SLC25A15: variants seen among roughly 807,000 people sequenced by gnomAD.
SLC25A15 encodes the protein solute carrier family 25 member 15.
SLC25A15 carries 24 observed loss-of-function variants against 32.3 expected under a neutral mutation model. The observed-to-expected ratio is 0.74, with a 90% CI of 0.54 to 1.04. The LOEUF is 1.04. Ranked by LOEUF, SLC25A15 falls within the 50% of genes least tolerant of loss-of-function variation. The pLI, the probability that SLC25A15 is intolerant of heterozygous loss-of-function variation, is 0.00. For missense variants in SLC25A15, 317 were observed against 374.5 expected (o/e 0.85, Z 1.27); for synonymous variants, 132 against 142.1 (o/e 0.93, Z 0.51).
Position 40,809,888 on chromosome 13 carries a change from T to C in SLC25A15, c.*221T>C. 5 of 550,536 alleles carry C rather than the reference T, an allele frequency of 9.1e-6. No homozygotes were observed. The highest frequency in any genetic ancestry group is 1.6e-5 in the Non-Finnish European group (5 of 307,760). 34.1% of individuals were successfully genotyped at this position (550,536 alleles called of 1,614,324 possible). ...TACTGAAATAGAAAAGTGACCGCTC[T>C]TGCTCTTGGTAAAATATAGAGTGGT... On this transcript the variant is annotated 3_prime_UTR_variant, in exon 7 of 7. Coordinates refer to ENST00000338625, the MANE Select transcript of SLC25A15 (RefSeq NM_014252.4).
intron 1 of SLC25A15, among the ~76,000 whole-genome samples, chr13:40,791,066 C>G (rs1437951258): frequency 3.9e-5 from 6 of 151,918 alleles, no homozygotes; most frequent in Non-Finnish European, 1.5e-5. Flanking sequence ...CTCTGTCTGT[C>G]TGCTCAGTTG....
In SLC25A15 at chr13:40,791,730, C is replaced by T. The variant is rs145782772; in HGVS notation, c.-69-1428C>T. Among the ~76,000 whole-genome samples the T allele has an allele frequency of 4.9e-3, 749 of 152,272 alleles. 3 individuals carry two copies. Among genetic ancestry groups the T allele is most frequent in the Middle Eastern group, 0.034 (10 of 294 alleles). On this transcript the variant is annotated intron_variant, in intron 1 of 6. Transcript: ENST00000338625. ...TTCAGCCTAGTGAATGGTCCTGTCTCTCCAGACCTATCAACAGCATATAAA... is the reference window on the plus strand; with the variant it reads ...TTCAGCCTAGTGAATGGTCCTGTCTTTCCAGACCTATCAACAGCATATAAA...
rs1421689029 is a variant in SLC25A15 at position 40,810,731 on chromosome 13, C to T, written c.*1064C>T. On this transcript the variant is annotated 3_prime_UTR_variant, in exon 7 of 7. Transcript: ENST00000338625. ...GAAATAGCATGGCCTTTACCAGCTT[C>T]CCTTCTCTCCCAAAGAACTTCCCTT... 1.9e-6 allele frequency: 1 copy of T among 534,494 alleles called. No homozygotes were observed. Among genetic ancestry groups the T allele is most frequent in the East Asian group, 5.4e-5 (1 of 18,360 alleles). The allele number at this position is 534,494 out of a possible 1,614,324, so 33.1% of individuals were successfully genotyped here. A position where few individuals can be genotyped will look rare whatever the true frequency, so the allele number is the denominator to read the frequency against.
At chr13:40,803,578 A>G (rs138632950) in intron 3 of SLC25A15, among the ~76,000 whole-genome samples, 89 of 152,330 alleles carry the variant, frequency 5.8e-4, no homozygotes, top group South Asian at 5.2e-3. Flanking sequence ...ACATGAGGTG[A>G]ATGCTTCTGT....
intron 3 of SLC25A15, among the ~76,000 whole-genome samples, chr13:40,803,481 G>A (rs916720698): frequency 3.3e-5 from 5 of 152,302 alleles, no homozygotes; most frequent in Admixed American, 1.3e-4. Flanking sequence ...GAGCCACCAC[G>A]CCTGGCCTCC....
Position 40,809,733 on chromosome 13 carries a change from G to C in SLC25A15, c.*66G>C. The C allele has an allele frequency of 6.4e-7, 1 of 1,560,096 alleles. No individual in the cohort carries two copies. The highest frequency in any genetic ancestry group is 8.8e-7 in the Non-Finnish European group (1 of 1,134,808). ...ACTACAGTTCATCTCAGGGTTTCTTGGAGTACAAGACCAGTGTGAAGTTAT... is the reference window on the plus strand; with the variant it reads ...ACTACAGTTCATCTCAGGGTTTCTTCGAGTACAAGACCAGTGTGAAGTTAT... On this transcript the variant is annotated 3_prime_UTR_variant, in exon 7 of 7. Coordinates refer to ENST00000338625, the MANE Select transcript of SLC25A15 (RefSeq NM_014252.4).
rs1882093581 is a variant in SLC25A15, at chr13:40,804,825, C to T, written c.315-293C>T. On this transcript the variant is annotated intron_variant, in intron 3 of 6. Transcript: ENST00000338625. ...TCGGCCTCCCAGAGTGCTGGGATTA[C>T]AGTTGTGAGCCACGGCGCCCGGCCC... 3.3e-5 allele frequency among the ~76,000 whole-genome samples: 5 copies of T among 151,858 alleles called. No homozygotes were observed. In the South Asian group the frequency reaches 1.0e-3, roughly 32 times the overall value.
At chr13:40,807,694 C>T (rs1431722905) in intron 5 of SLC25A15, among the ~76,000 whole-genome samples, 1 of 152,188 alleles carries the variant, frequency 6.6e-6, no homozygotes, top group East Asian at 1.9e-4. Flanking sequence ...ACATCCCAAA[C>T]TTTCTTACTG....
rs1216558300 is a variant in SLC25A15 at position 40,811,959 on chromosome 13, C to T, written c.*2292C>T. On this transcript the variant is annotated 3_prime_UTR_variant, in exon 7 of 7. Coordinates refer to ENST00000338625, the MANE Select transcript of SLC25A15 (RefSeq NM_014252.4). ...CAGGGGACATCTGGGGAGGAGATCC[C>T]TGTCATGTCTCTTGTGCCATGGAGC... Among the ~76,000 whole-genome samples the T allele has an allele frequency of 6.6e-6, 1 of 152,200 alleles. No individual in the cohort carries two copies. The highest frequency in any genetic ancestry group is 1.5e-5 in the Non-Finnish European group (1 of 68,038).
intron 2 of SLC25A15, among the ~76,000 whole-genome samples, chr13:40,795,416 T>A (rs71427424): frequency 0.081 from 12,380 of 152,276 alleles, 705 homozygotes; most frequent in Middle Eastern, 0.21. Context: ...TACAAGTTAG[T>A]TTGAAAGATA....
At position 40,807,284 on chromosome 13, in the gene SLC25A15, C is replaced by T. The variant is rs745823100; in HGVS notation, c.453-10C>T. On this transcript the variant is annotated splice_polypyrimidine_tract_variant and intron_variant, in intron 4 of 6. Coordinates refer to ENST00000338625, the MANE Select transcript of SLC25A15 (RefSeq NM_014252.4). ...CTGTAACCGTGCTATCTCTCTGTGT[C>T]TCCTCCCAGTACAGTGTGGTCTGTC... 2.5e-6 allele frequency: 4 copies of T among 1,613,932 alleles called. No individual in the cohort carries two copies. Among genetic ancestry groups the T allele is most frequent in the Non-Finnish European group, 3.4e-6 (4 of 1,179,858 alleles).
intron 4 of SLC25A15, among the ~76,000 whole-genome samples, chr13:40,806,096 C>G (rs1203270167): frequency 1.3e-5 from 2 of 152,172 alleles, no homozygotes; most frequent in African/African-American, 2.4e-5. Context: ...TTTCTGCACC[C>G]TTGAGATTCA....
At chr13:40,798,821 C>G (rs1221995682) in intron 2 of SLC25A15, 2 of 985,232 alleles carry the variant, frequency 2.0e-6, no homozygotes, top group African/African-American at 3.5e-5. Context: ...CTGTTGAACA[C>G]ATGTCTGTCT....
Position 40,799,104 on chromosome 13 carries a change from G to T in SLC25A15, c.103G>T (p.Val35Leu), listed in dbSNP as rs1881774568. ...LTGQPFDTMK[V>L]KMQTFPDLYR... ...CGGGCAGCCCTTTGACACAATGAAA[G>T]TGAAGATGCAGACGTTCCCTGACCT... is the stretch of plus-strand genomic sequence containing the variant. The change falls in exon 3 of 7, where the codon GTG becomes TTG. Residue 35 changes from valine to leucine, a missense_variant. Transcript: ENST00000338625. 1 of 1,614,074 alleles carries T rather than the reference G, an allele frequency of 6.2e-7. No individual in the cohort carries two copies. The highest frequency in any genetic ancestry group is 1.3e-5 in the African/African-American group (1 of 74,922).
At chr13:40,796,976 G>A (rs1365804976) in intron 2 of SLC25A15, among the ~76,000 whole-genome samples, 1 of 152,186 alleles carries the variant, frequency 6.6e-6, no homozygotes, top group Non-Finnish European at 1.5e-5. Flanking sequence ...AATAAGATCA[G>A]AAGTCTGATT....
chr13:40,799,955 T>G (rs1881816072), intron 3 of SLC25A15, among the ~76,000 whole-genome samples: 1 of 152,246 alleles, frequency 6.6e-6, no homozygotes, highest in Non-Finnish European at 1.5e-5. Context: ...AACATCAGAC[T>G]TTGCCTCTTT....
At chr13:40,795,923 A>G (rs1218172613) in intron 2 of SLC25A15, among the ~76,000 whole-genome samples, 1 of 152,184 alleles carries the variant, frequency 6.6e-6, no homozygotes, top group Non-Finnish European at 1.5e-5. Context: ...ACAGGGCAGG[A>G]CTGTGATCCC....
intron 2 of SLC25A15, chr13:40,798,693 G>C: frequency 1.2e-6 from 1 of 844,526 alleles, no homozygotes; most frequent in Non-Finnish European, 1.4e-6. Flanking sequence ...CTGTGAGGTG[G>C]CATGGATGAG....
chr13:40,802,702 G>C (rs373035844), intron 3 of SLC25A15, among the ~76,000 whole-genome samples: 1 of 151,874 alleles, frequency 6.6e-6, no homozygotes, highest in East Asian at 1.9e-4. Flanking sequence ...AGCCTCCCGA[G>C]TAGCTGGGAC....
Sources: gnomAD v4.1 joint callset for allele counts (sites outside exome capture counted in the v4.1 genomes callset) on GRCh38, gnomAD v4.1.1 for gene constraint, MANE v1.5 for transcripts, NCBI Gene and HGNC (gene_info 2026-07-23, HGNC 2026-07-21) for gene names.